CYP19A1: variants seen among roughly 807,000 people sequenced by gnomAD.
CYP19A1 encodes the protein cytochrome P450 family 19 subfamily A member 1, also known as aromatase.
CYP19A1 carries 32 observed loss-of-function variants against 44.4 expected under a neutral mutation model. The ratio of observed to expected loss-of-function variants is 0.72; its 90% CI spans 0.54 to 0.97. The LOEUF (loss-of-function observed/expected upper bound fraction) is 0.97. Among genes scored for constraint, CYP19A1 ranks in the 50% least tolerant of loss-of-function variants. The pLI is 0.00. For synonymous variants in CYP19A1, 212 were observed against 215.6 expected (o/e 0.98, Z 0.14); for missense variants, 598 against 637.8 (o/e 0.94, Z 0.67).
At chr15:51,308,099 G>A (rs1046990471) in intron 1 of CYP19A1, among the ~76,000 whole-genome samples, 2 of 152,220 alleles carry the variant, frequency 1.3e-5, no homozygotes, top group Non-Finnish European at 2.9e-5. Flanking sequence ...CTGGCAAGAA[G>A]AAGCTCTGGC....
At chr15:51,331,894 A>G (rs1595789814) in intron 1 of CYP19A1, among the ~76,000 whole-genome samples, 1 of 151,866 alleles carries the variant, frequency 6.6e-6, no homozygotes, top group South Asian at 2.1e-4. Flanking sequence ...CATTTGTTAA[A>G]TGTGTTTATT....
chr15:51,296,102 TGCATCTTTCTAGAGCCA>T (rs1402745232), intron 1 of CYP19A1, among the ~76,000 whole-genome samples: 1 of 151,630 alleles, frequency 6.6e-6, no homozygotes. Context: ...GGAAAAAGAT[TGCATCTTTCTAGAGCCA>T]GCATGAAGGG....
intron 1 of CYP19A1, among the ~76,000 whole-genome samples, chr15:51,281,939 A>T (rs1228493941): frequency 6.6e-6 from 1 of 152,214 alleles, no homozygotes; most frequent in African/African-American, 2.4e-5. Flanking sequence ...GGAAGCAGAA[A>T]GGGAAGGGCT....
chr15:51,305,479 A>G (rs2036197958), intron 1 of CYP19A1, among the ~76,000 whole-genome samples: 1 of 152,152 alleles, frequency 6.6e-6, no homozygotes, highest in African/African-American at 2.4e-5. Flanking sequence ...ACAGGGACAC[A>G]GGATGAAAAG....
At chr15:51,239,500 A>C (rs2141113662) in intron 2 of CYP19A1, among the ~76,000 whole-genome samples, 1 of 152,350 alleles carries the variant, frequency 6.6e-6, no homozygotes, top group Non-Finnish European at 1.5e-5. Context: ...ATGTGGATGG[A>C]TCTTAGAAAC....
chr15:51,315,725 C>T (rs766590234), intron 1 of CYP19A1: 3 of 152,228 alleles, frequency 2.0e-5, no homozygotes, highest in Admixed American at 6.5e-5. Flanking sequence ...GTGCCTAATT[C>T]AGGGCCCTGC....
intron 3 of CYP19A1, among the ~76,000 whole-genome samples, chr15:51,234,471 C>G (rs1362389266): frequency 6.6e-6 from 1 of 152,084 alleles, no homozygotes; most frequent in Non-Finnish European, 1.5e-5. Context: ...CTGTAACGAG[C>G]AAGCACTTCA....
chr15:51,236,235 G>C (rs984438605), intron 3 of CYP19A1, among the ~76,000 whole-genome samples: 4 of 152,126 alleles, frequency 2.6e-5, no homozygotes, highest in African/African-American at 7.2e-5. Context: ...CTACTGTCTT[G>C]TTCTTTTATT....
At chr15:51,246,280 C>T (rs1251334958) in intron 1 of CYP19A1, among the ~76,000 whole-genome samples, 1 of 152,194 alleles carries the variant, frequency 6.6e-6, no homozygotes, top group Admixed American at 6.5e-5. Context: ...CACACATGTA[C>T]ATGCACATGG....
At chr15:51,336,522 G>A (rs561793481) in intron 1 of CYP19A1, among the ~76,000 whole-genome samples, 1 of 152,136 alleles carries the variant, frequency 6.6e-6, no homozygotes, top group Non-Finnish European at 1.5e-5. Context: ...GTGGAAGGGT[G>A]GTGGGGCAGT....
intron 1 of CYP19A1, among the ~76,000 whole-genome samples, chr15:51,254,815 T>G (rs2034455129): frequency 6.6e-6 from 1 of 152,242 alleles, no homozygotes; most frequent in Admixed American, 6.5e-5. Flanking sequence ...ATTGAATGTT[T>G]TGAATGATCA....
chr15:51,243,616 G>A (rs1023973450), intron 1 of CYP19A1, among the ~76,000 whole-genome samples: 6 of 152,050 alleles, frequency 3.9e-5, no homozygotes, highest in East Asian at 1.9e-4. Flanking sequence ...ACCGGCCAAC[G>A]GTAGTGTGGA....
At chr15:51,254,501 A>G (rs181036615) in intron 1 of CYP19A1, among the ~76,000 whole-genome samples, 1 of 150,988 alleles carries the variant, frequency 6.6e-6, no homozygotes, top group Non-Finnish European at 1.5e-5. Context: ...ACCCCCCTCC[A>G]TTTTTGCCAT....
intron 1 of CYP19A1, among the ~76,000 whole-genome samples, chr15:51,270,474 A>ATC (rs2035083348): frequency 6.6e-6 from 1 of 152,182 alleles, no homozygotes. Context: ...TCACCCTAAA[A>ATC]ACAGCTTCTA....
intron 2 of CYP19A1, among the ~76,000 whole-genome samples, chr15:51,238,665 A>G (rs1360988761): frequency 6.6e-6 from 1 of 152,130 alleles, no homozygotes; most frequent in African/African-American, 2.4e-5. Flanking sequence ...GCCATGTAAA[A>G]ATCTTAATAT....
At chr15:51,241,082 C>T (rs1037880421) in intron 2 of CYP19A1, among the ~76,000 whole-genome samples, 1 of 152,188 alleles carries the variant, frequency 6.6e-6, no homozygotes, top group African/African-American at 2.4e-5. Flanking sequence ...AATCACTGTG[C>T]TACTTGATCT....
intron 5 of CYP19A1, among the ~76,000 whole-genome samples, chr15:51,219,670 G>A (rs1237046461): frequency 6.6e-6 from 1 of 152,160 alleles, no homozygotes; most frequent in Non-Finnish European, 1.5e-5. Context: ...GTTTAACAAG[G>A]ATCCCTGTGA....
intron 1 of CYP19A1, among the ~76,000 whole-genome samples, chr15:51,288,877 C>G (rs936308): frequency 0.29 from 44,415 of 152,068 alleles, 9,683 homozygotes; most frequent in African/African-American, 0.61. Flanking sequence ...ACCGATGAGA[C>G]AGCCCTGCCG....
chr15:51,287,141 T>C (rs555740629), intron 1 of CYP19A1, among the ~76,000 whole-genome samples: 1 of 152,308 alleles, frequency 6.6e-6, no homozygotes, highest in East Asian at 1.9e-4. Flanking sequence ...AAATCTAATC[T>C]AAAAATAGGA....
Sources: gnomAD v4.1 joint callset for allele counts (sites outside exome capture counted in the v4.1 genomes callset) on GRCh38, gnomAD v4.1.1 for gene constraint, MANE v1.5 for transcripts, NCBI Gene and HGNC (gene_info 2026-07-23, HGNC 2026-07-21) for gene names.